RALY: variants seen among roughly 807,000 people sequenced by gnomAD.
RALY encodes the protein RNA-binding protein Raly.
RALY carries 15 observed loss-of-function variants against 30.7 expected under a neutral mutation model. That is an observed-to-expected ratio of 0.49 (90% CI 0.33 to 0.75). The LOEUF is 0.75. RALY is among the 30% of genes least tolerant of loss of function. The probability of loss-of-function intolerance (pLI) is 0.02; values close to 1 mark genes in which losing one functional copy is unlikely to be tolerated. For synonymous variants in RALY, 177 were observed against 170.8 expected, an observed-to-expected ratio of 1.04 and a Z score of -0.28; for missense variants, 339 against 414.3, an observed-to-expected ratio of 0.82 and a Z score of 1.58.
chr20:34,062,513 CAGA>C (rs983942560), intron 2 of RALY, among the ~76,000 whole-genome samples: 4 of 152,202 alleles, frequency 2.6e-5, no homozygotes, highest in African/African-American at 4.8e-5. Context: ...CTCACAAAAT[CAGA>C]AGAACACTCT....
chr20:34,079,466 C>T (rs1045936586), intron 9 of RALY, among the ~76,000 whole-genome samples: 1 of 152,178 alleles, frequency 6.6e-6, no homozygotes, highest in Non-Finnish European at 1.5e-5. Flanking sequence ...GTCTCAAACA[C>T]TAGTGTTTCC....
At chr20:34,055,348 G>A (rs760271409) in intron 2 of RALY, among the ~76,000 whole-genome samples, 4 of 152,150 alleles carry the variant, frequency 2.6e-5, no homozygotes, top group Non-Finnish European at 5.9e-5. Flanking sequence ...TTGGGCTGTT[G>A]CAAAGATACT....
intron 2 of RALY, among the ~76,000 whole-genome samples, chr20:34,056,767 A>G (rs573122996): frequency 3.9e-5 from 6 of 152,274 alleles, no homozygotes; most frequent in East Asian, 1.9e-4. Flanking sequence ...CACCTGCCCA[A>G]TATGGTAATA....
At chr20:34,002,002 G>C (rs2300206) in intron 1 of RALY, among the ~76,000 whole-genome samples, 112,852 of 152,154 alleles carry the variant, frequency 0.74, 42,318 homozygotes, top group South Asian at 0.85. Context: ...CTCCTGACCT[G>C]GTGATCTGCC....
chr20:34,057,211 CAT>C (rs2033271634), intron 2 of RALY, among the ~76,000 whole-genome samples: 1 of 152,148 alleles, frequency 6.6e-6, no homozygotes, highest in East Asian at 1.9e-4. Flanking sequence ...GTAATCCAAA[CAT>C]AATGTGCAAG....
chr20:34,067,412 T>G (rs918937309), intron 2 of RALY, among the ~76,000 whole-genome samples: 2 of 152,082 alleles, frequency 1.3e-5, no homozygotes, highest in African/African-American at 4.8e-5. Flanking sequence ...GTGATCCACC[T>G]GCCTTGGCCT....
At chr20:34,075,827 G>A (rs201811924) in intron 5 of RALY, 47 bp from the exon 6 acceptor site, 317 of 1,578,564 alleles carry the variant, frequency 2.0e-4, no homozygotes, top group Non-Finnish European at 2.7e-4. Flanking sequence ...ATACCGCCCT[G>A]GTGGCCACAA....
chr20:34,032,621 G>A (rs1223849406), intron 2 of RALY, among the ~76,000 whole-genome samples: 3 of 151,912 alleles, frequency 2.0e-5, no homozygotes, highest in Non-Finnish European at 2.9e-5. Context: ...TCAGCCTCCC[G>A]AGTAGCTGGA....
In RALY at chr20:34,083,877, T is replaced by C. The variant is rs2034066097; in HGVS notation, c.*3972T>C. 6.6e-6 allele frequency: 1 copy of C among 152,232 alleles called. No homozygotes were observed. 9.4% of individuals were successfully genotyped at this position (152,232 alleles called of 1,614,324 possible). ...GTTTTCATCCCAACCAGATCATTGA[T>C]TGATTGAGGTTTTAGGCAAATCAAA... On this transcript the variant is annotated 3_prime_UTR_variant, in exon 10 of 10. Transcript: ENST00000246194.
intron 8 of RALY, among the ~76,000 whole-genome samples, chr20:34,078,104 C>T (rs1206378992): frequency 6.6e-6 from 1 of 152,218 alleles, no homozygotes; most frequent in East Asian, 1.9e-4. Flanking sequence ...TAGCTCATCT[C>T]TCCTTTGAGC....
chr20:34,035,413 G>A (rs2032457720), intron 2 of RALY, among the ~76,000 whole-genome samples: 1 of 152,144 alleles, frequency 6.6e-6, no homozygotes, highest in Admixed American at 6.5e-5. Context: ...TTGGCAGGTA[G>A]GTGGTGATAT....
chr20:34,073,962 A>C (rs1451618514), intron 5 of RALY, 96 bp downstream of exon 5: 2 of 1,397,118 alleles, frequency 1.4e-6, no homozygotes, highest in African/African-American at 2.8e-5. Flanking sequence ...CCAAATGAGA[A>C]CCAAAACCCA....
intron 1 of RALY, among the ~76,000 whole-genome samples, chr20:34,001,975 G>A (rs1277438552): frequency 2.0e-5 from 3 of 152,120 alleles, no homozygotes; most frequent in African/African-American, 7.2e-5. Context: ...CACAGTGTTC[G>A]CCAGGATGGT....
At chr20:34,010,321 C>A (rs757194216) in intron 1 of RALY, among the ~76,000 whole-genome samples, 4 of 152,190 alleles carry the variant, frequency 2.6e-5, no homozygotes, top group Non-Finnish European at 4.4e-5. Context: ...CTCTACCTCC[C>A]GGGCTCAGGT....
chr20:34,004,714 A>G (rs2031081113), intron 1 of RALY, among the ~76,000 whole-genome samples: 1 of 152,140 alleles, frequency 6.6e-6, no homozygotes, highest in South Asian at 2.1e-4. Flanking sequence ...CAAGAAAGAA[A>G]TTAATCCAGT....
chr20:34,025,788 C>A (rs140915255), intron 1 of RALY, among the ~76,000 whole-genome samples: 5 of 151,826 alleles, frequency 3.3e-5, no homozygotes, highest in African/African-American at 1.2e-4. Flanking sequence ...TGTCCCAGAC[C>A]GTTTGCTTGA....
chr20:34,042,901 A>G (rs1034461398), intron 2 of RALY, among the ~76,000 whole-genome samples: 6 of 152,344 alleles, frequency 3.9e-5, no homozygotes, highest in African/African-American at 1.4e-4. Flanking sequence ...CATAGTAAAC[A>G]ATGTGTCTAA....
intron 1 of RALY, among the ~76,000 whole-genome samples, chr20:34,003,808 T>A (rs1053118004): frequency 6.6e-6 from 1 of 151,664 alleles, no homozygotes; most frequent in African/African-American, 2.4e-5. Context: ...CCTGGCTAAT[T>A]TTTTGTATTT....
chr20:34,056,217 C>A (rs1399560038), intron 2 of RALY, among the ~76,000 whole-genome samples: 1 of 152,186 alleles, frequency 6.6e-6, no homozygotes, highest in Non-Finnish European at 1.5e-5. Context: ...AATGTGGGAT[C>A]TCTGTCAAAC....
Sources: allele counts gnomAD v4.1 joint callset (sites outside exome capture counted in the v4.1 genomes callset), GRCh38; gene constraint gnomAD v4.1.1; transcripts MANE v1.5; gene names NCBI Gene and HGNC (gene_info 2026-07-23, HGNC 2026-07-21).